HPSE2: variants seen among roughly 807,000 people sequenced by gnomAD.
HPSE2 encodes heparanase 2 (inactive), also known as inactive heparanase-2.
A neutral mutation model predicts 60.5 loss-of-function variants in HPSE2; 38 were observed. The observed-to-expected ratio is 0.63, with a 90% CI of 0.48 to 0.82. The LOEUF is 0.82. Among genes scored for constraint, HPSE2 ranks in the 40% least tolerant of loss-of-function variants. HPSE2 has a pLI of 0.00. For missense variants in HPSE2, 713 were observed against 740.4 expected, an observed-to-expected ratio of 0.96 and a Z score of 0.43; for synonymous variants, 295 against 293.2, an observed-to-expected ratio of 1.01 and a Z score of -0.06.
intron 3 of HPSE2, among the ~76,000 whole-genome samples, chr10:99,113,667 T>G (rs1844562419): frequency 6.6e-6 from 1 of 152,202 alleles, no homozygotes; most frequent in African/African-American, 2.4e-5. Flanking sequence ...TTCTGGGCAT[T>G]ATATAAACTT....
chr10:98,637,752 T>C (rs1162258084), intron 7 of HPSE2, among the ~76,000 whole-genome samples: 1 of 152,198 alleles, frequency 6.6e-6, no homozygotes, highest in Non-Finnish European at 1.5e-5. Context: ...GTGGGCCTAA[T>C]GGGGTCCTTA....
intron 2 of HPSE2, among the ~76,000 whole-genome samples, chr10:99,229,623 C>G (rs1849582349): frequency 6.6e-6 from 1 of 152,170 alleles, no homozygotes; most frequent in African/African-American, 2.4e-5. Flanking sequence ...CCCTGGGCCA[C>G]ACATTCATAA....
intron 3 of HPSE2, among the ~76,000 whole-genome samples, chr10:98,893,783 T>G (rs921375354): frequency 1.3e-5 from 2 of 152,142 alleles, no homozygotes; most frequent in African/African-American, 4.8e-5. Flanking sequence ...TGAGTGGTAT[T>G]TGACATTGCT....
chr10:98,634,177 G>C (rs1441423749), intron 7 of HPSE2, among the ~76,000 whole-genome samples: 1 of 152,128 alleles, frequency 6.6e-6, no homozygotes, highest in African/African-American at 2.4e-5. Context: ...ACATATAAAT[G>C]TGAATGAGAT....
At chr10:98,863,423 G>T (rs181120757) in intron 3 of HPSE2, among the ~76,000 whole-genome samples, 1 of 152,256 alleles carries the variant, frequency 6.6e-6, no homozygotes, top group African/African-American at 2.4e-5. Context: ...AGCAGTTATA[G>T]ATATCTTGAT....
chr10:99,130,398 AATACAACAGC>A (rs1830499921), intron 3 of HPSE2, among the ~76,000 whole-genome samples: 1 of 152,186 alleles, frequency 6.6e-6, no homozygotes, highest in African/African-American at 2.4e-5. Flanking sequence ...TAGCTAACCA[AATACAACAGC>A]ATATCAAAAA....
chr10:98,488,975 C>G (rs1925650), intron 10 of HPSE2, among the ~76,000 whole-genome samples: 13,127 of 152,102 alleles, frequency 0.086, 1,797 homozygotes, highest in African/African-American at 0.29. Flanking sequence ...ATTGGCTTGG[C>G]TCCTCTCTCA....
At chr10:98,697,125 A>G (rs1305650817) in intron 5 of HPSE2, among the ~76,000 whole-genome samples, 1 of 152,202 alleles carries the variant, frequency 6.6e-6, no homozygotes, top group Non-Finnish European at 1.5e-5. Flanking sequence ...CTCTCCAGCA[A>G]GGGCACAGAA....
At chr10:99,081,330 A>T (rs945397937) in intron 3 of HPSE2, among the ~76,000 whole-genome samples, 9 of 152,222 alleles carry the variant, frequency 5.9e-5, no homozygotes. Context: ...ATAGTAGTCC[A>T]TCTTCTCCCA....
At chr10:99,152,052 G>A (rs1846288471) in intron 2 of HPSE2, among the ~76,000 whole-genome samples, 1 of 151,882 alleles carries the variant, frequency 6.6e-6, no homozygotes, top group South Asian at 2.1e-4. Context: ...TGTGGCTCAT[G>A]CCTGTAATTC....
At chr10:98,646,203 C>T (rs1946764533) in intron 6 of HPSE2, among the ~76,000 whole-genome samples, 1 of 151,866 alleles carries the variant, frequency 6.6e-6, no homozygotes, top group African/African-American at 2.4e-5. Flanking sequence ...GGTGATAGGT[C>T]CAATATAAAT....
intron 9 of HPSE2, among the ~76,000 whole-genome samples, chr10:98,554,169 T>C (rs1389700935): frequency 6.6e-6 from 1 of 152,184 alleles, no homozygotes. Flanking sequence ...CTCCAAGCCT[T>C]ACCTCTCCCA....
chr10:98,884,683 G>A (rs1953117181), intron 3 of HPSE2, among the ~76,000 whole-genome samples: 1 of 152,082 alleles, frequency 6.6e-6, no homozygotes. Context: ...CTGGTTTTGT[G>A]GAAGACAATT....
At chr10:99,029,827 C>G (rs57799920) in intron 3 of HPSE2, among the ~76,000 whole-genome samples, 72,767 of 151,974 alleles carry the variant, frequency 0.48, 19,602 homozygotes, top group Non-Finnish European at 0.61. Flanking sequence ...AGGCCCTCCA[C>G]AAGAGGTGGA....
At chr10:98,763,556 C>G (rs1039083767) in intron 3 of HPSE2, among the ~76,000 whole-genome samples, 14 of 151,986 alleles carry the variant, frequency 9.2e-5, no homozygotes, top group Non-Finnish European at 1.5e-4. Context: ...TGCCAGCTCT[C>G]AAACATTTTC....
At chr10:98,801,789 T>C (rs879838965) in intron 3 of HPSE2, among the ~76,000 whole-genome samples, 9 of 152,180 alleles carry the variant, frequency 5.9e-5, no homozygotes, top group Admixed American at 1.3e-4. Context: ...ACAGATTCAA[T>C]GCAATCCCTA....
rs1308682243 is a variant in HPSE2 at position 98,942,075 on chromosome 10, T to C, written c.611-198019A>G. On this transcript the variant is annotated intron_variant, in intron 3 of 11. Coordinates refer to ENST00000370552, the MANE Select transcript of HPSE2 (RefSeq NM_021828.5). ...CCATCCTTACACCTTATACAAAAAT[T>C]AATTCAAGATGGATTAAAGACTTAA... Among the ~76,000 whole-genome samples the C allele has an allele frequency of 3.9e-4, 55 of 141,664 alleles. 7 individuals are homozygous for C. Among genetic ancestry groups the C allele is most frequent in the Middle Eastern group, 3.7e-3 (1 of 270 alleles). The allele number at this position is 141,664 out of a possible 152,430, so 92.9% of individuals were successfully genotyped here.
intron 2 of HPSE2, among the ~76,000 whole-genome samples, chr10:99,226,888 C>T (rs1228115725): frequency 9.2e-5 from 14 of 152,036 alleles, no homozygotes; most frequent in Non-Finnish European, 1.5e-5. Context: ...CTGTTGTGTT[C>T]TAATGGTGAT....
In HPSE2 at chr10:99,083,731, T is replaced by C. The variant is rs557405720; in HGVS notation, c.610+60507A>G. 9.2e-5 allele frequency among the ~76,000 whole-genome samples: 14 copies of C among 152,338 alleles called. No individual in the cohort carries two copies. In the East Asian group the frequency reaches 2.7e-3, roughly 29 times the overall value. The stretch of plus-strand genomic sequence containing the variant: ...ATCCCTTCTCAACTATCTTTTCATT[T>C]ATTTTTCTTGGGAAGAGGTATTTGT... On this transcript the variant is annotated intron_variant, in intron 3 of 11. Coordinates refer to ENST00000370552, the MANE Select transcript of HPSE2 (RefSeq NM_021828.5).
Sources: allele counts gnomAD v4.1 joint callset (sites outside exome capture counted in the v4.1 genomes callset), GRCh38; gene constraint gnomAD v4.1.1; transcripts MANE v1.5; gene names NCBI Gene and HGNC (gene_info 2026-07-23, HGNC 2026-07-21).